Variants in MDGA2 observed in about 807,000 individuals in gnomAD.
The protein encoded by MDGA2 is MAM domain-containing glycosylphosphatidylinositol anchor protein 2.
MDGA2 carries 40 observed loss-of-function variants against 117.8 expected under a neutral mutation model. The ratio of observed to expected loss-of-function variants is 0.34; its 90% CI spans 0.26 to 0.44. The LOEUF is 0.44. Ranked by LOEUF, MDGA2 falls within the 20% of genes least tolerant of loss-of-function variation. The pLI, the probability that MDGA2 is intolerant of heterozygous loss-of-function variation, is 1.00. For synonymous variants in MDGA2, 452 were observed against 439.0 expected (o/e 1.03, Z -0.37); for missense variants, 1,123 against 1,250.6 (o/e 0.90, Z 1.54).
chr14:46,979,489 C>T (rs1323839336), intron 8 of MDGA2, among the ~76,000 whole-genome samples: 1 of 152,092 alleles, frequency 6.6e-6, no homozygotes, highest in Non-Finnish European at 1.5e-5. Context: ...AATAGCTAAG[C>T]CTTTTGCTCC....
chr14:47,531,138 G>A lies in MDGA2; in HGVS notation c.280+143379C>T, dbSNP rs559341154. Among the ~76,000 whole-genome samples, 9 of 152,180 alleles carry A rather than the reference G, an allele frequency of 5.9e-5. No individual in the cohort carries two copies. The East Asian group carries it at 9.7e-4, about 16-fold the overall frequency. ...TGGGCGCCTGTAGTCCCAGCTACTC[G>A]GGAGGCTGAGGCAGGAGAATGGCGT... On this transcript the variant is annotated intron_variant, in intron 1 of 16. Transcript: ENST00000399232.
chr14:47,025,797 C>G (rs1888451586), intron 8 of MDGA2, among the ~76,000 whole-genome samples: 1 of 152,002 alleles, frequency 6.6e-6, no homozygotes, highest in African/African-American at 2.4e-5. Flanking sequence ...TAGCCATGGT[C>G]TCTACTCTCT....
intron 1 of MDGA2, among the ~76,000 whole-genome samples, chr14:47,451,932 A>G (rs1254259826): frequency 6.6e-6 from 1 of 152,116 alleles, no homozygotes; most frequent in Non-Finnish European, 1.5e-5. Flanking sequence ...TATATCTTGT[A>G]CTGGTTTGAA....
intron 1 of MDGA2, among the ~76,000 whole-genome samples, chr14:47,404,217 G>T (rs934513297): frequency 6.8e-6 from 1 of 147,960 alleles, no homozygotes; most frequent in African/African-American, 2.5e-5. Context: ...ACAGGGTCTC[G>T]CTCTTTCACC....
chr14:47,190,769 C>G (rs566924893), intron 3 of MDGA2, among the ~76,000 whole-genome samples: 1 of 152,160 alleles, frequency 6.6e-6, no homozygotes, highest in South Asian at 2.1e-4. Context: ...AAGTAGCTCA[C>G]TATGGAACTA....
chr14:47,422,085 G>A (rs1212828747), intron 1 of MDGA2, among the ~76,000 whole-genome samples: 1 of 151,864 alleles, frequency 6.6e-6, no homozygotes, highest in Admixed American at 6.6e-5. Context: ...GCTCTGTTTT[G>A]TTTCATAAAT....
chr14:47,202,829 C>T (rs1471225390), intron 3 of MDGA2, among the ~76,000 whole-genome samples: 1 of 149,190 alleles, frequency 6.7e-6, no homozygotes, highest in Non-Finnish European at 1.5e-5. Context: ...CCTTAATGCC[C>T]AAGTTAGTAG....
intron 6 of MDGA2, among the ~76,000 whole-genome samples, chr14:47,081,323 AATG>A (rs1042996113): frequency 4.6e-5 from 7 of 152,126 alleles, no homozygotes; most frequent in East Asian, 1.9e-4. Context: ...CGAACAACTT[AATG>A]ATAAGATGTC....
intron 3 of MDGA2, among the ~76,000 whole-genome samples, chr14:47,163,585 C>A (rs1883733045): frequency 6.6e-6 from 1 of 152,144 alleles, no homozygotes; most frequent in African/African-American, 2.4e-5. Flanking sequence ...CCTGAGGCCG[C>A]CCCAGCCACA....
chr14:47,113,584 T>TGGGA (rs1443871865), intron 5 of MDGA2, among the ~76,000 whole-genome samples: 3 of 150,678 alleles, frequency 2.0e-5, no homozygotes, highest in Non-Finnish European at 3.0e-5. Context: ...CAGCTTCAAC[T>TGGGA]TGCAAGACTG....
At chr14:47,532,121 A>G (rs1895113279) in intron 1 of MDGA2, among the ~76,000 whole-genome samples, 1 of 152,212 alleles carries the variant, frequency 6.6e-6, no homozygotes, top group African/African-American at 2.4e-5. Context: ...ACAGACTCTT[A>G]TAATTGCATC....
At chr14:47,114,320 A>C (rs1014561088) in intron 5 of MDGA2, among the ~76,000 whole-genome samples, 5 of 152,250 alleles carry the variant, frequency 3.3e-5, no homozygotes, top group Admixed American at 6.5e-5. Flanking sequence ...GATATGAAGA[A>C]TCAATATGGT....
chr14:47,143,295 A>T (rs1882801830), intron 4 of MDGA2, among the ~76,000 whole-genome samples: 1 of 152,112 alleles, frequency 6.6e-6, no homozygotes, highest in African/African-American at 2.4e-5. Flanking sequence ...TAATTTTTAA[A>T]ATTATTTTTC....
intron 1 of MDGA2, among the ~76,000 whole-genome samples, chr14:47,520,553 T>G (rs1594897421): frequency 6.6e-6 from 1 of 152,164 alleles, no homozygotes; most frequent in African/African-American, 2.4e-5. Flanking sequence ...AGAAATTATA[T>G]TAGTCATTTT....
At chr14:47,618,575 T>C (rs548394644) in intron 1 of MDGA2, among the ~76,000 whole-genome samples, 5 of 152,214 alleles carry the variant, frequency 3.3e-5, no homozygotes, top group Admixed American at 3.3e-4. Flanking sequence ...GAAGGCACTG[T>C]ATGTCGCTCA....
intron 10 of MDGA2, among the ~76,000 whole-genome samples, chr14:46,910,813 A>T (rs1883669630): frequency 6.6e-6 from 1 of 152,204 alleles, no homozygotes; most frequent in Non-Finnish European, 1.5e-5. Flanking sequence ...CTACGCAGCC[A>T]TAAAAACGAA....
At chr14:47,418,460 C>G (rs780025722) in intron 1 of MDGA2, among the ~76,000 whole-genome samples, 1 of 152,110 alleles carries the variant, frequency 6.6e-6, no homozygotes, top group Admixed American at 6.6e-5. Flanking sequence ...TGTGGTAGTA[C>G]CCACTTTCTG....
intron 2 of MDGA2, among the ~76,000 whole-genome samples, chr14:47,300,914 G>A (rs747762010): frequency 6.6e-6 from 1 of 152,132 alleles, no homozygotes; most frequent in Admixed American, 6.5e-5. Context: ...AGTGCATACA[G>A]TATCTGCAAC....
chr14:47,137,645 A>G (rs1010939628), intron 4 of MDGA2, among the ~76,000 whole-genome samples: 1 of 152,318 alleles, frequency 6.6e-6, no homozygotes, highest in East Asian at 1.9e-4. Context: ...TACAGTCTGC[A>G]AAACTGAGAA....
Sources: gnomAD v4.1 joint callset for allele counts (sites outside exome capture counted in the v4.1 genomes callset) on GRCh38, gnomAD v4.1.1 for gene constraint, MANE v1.5 for transcripts, NCBI Gene and HGNC (gene_info 2026-07-23, HGNC 2026-07-21) for gene names.